The following UBAP2L variants were observed in gnomAD, a reference collection of about 807,000 sequenced individuals.
The protein encoded by UBAP2L is ubiquitin associated protein 2 like, also known as ubiquitin-associated protein 2-like.
In UBAP2L, 12 loss-of-function variants were observed where a neutral mutation model predicts 130.6. The observed-to-expected ratio is 0.09, with a 90% CI of 0.06 to 0.15. The LOEUF (loss-of-function observed/expected upper bound fraction) is 0.15, where lower values mean the gene tolerates loss of function less well. Ranked by LOEUF, UBAP2L falls within the 10% of genes least tolerant of loss-of-function variation. The probability of loss-of-function intolerance (pLI) is 1.00; values close to 1 mark genes in which losing one functional copy is unlikely to be tolerated. For missense variants in UBAP2L, 965 were observed against 1,332.5 expected, an observed-to-expected ratio of 0.72 and a Z score of 4.29; for synonymous variants, 503 against 524.7, an observed-to-expected ratio of 0.96 and a Z score of 0.57.
intron 9 of UBAP2L, 40 bp downstream of exon 9, chr1:154,241,605 C>G (rs759484602): frequency 6.2e-7 from 1 of 1,610,772 alleles, no homozygotes; most frequent in East Asian, 2.2e-5. Context: ...TGCCTTCTAT[C>G]CCTAAGTGTT....
intron 14 of UBAP2L, among the ~76,000 whole-genome samples, chr1:154,251,990 T>A (rs549299094): frequency 2.0e-5 from 3 of 152,194 alleles, no homozygotes; most frequent in South Asian, 2.1e-4. Context: ...AATTTTTTTT[T>A]AAACACAGAG....
chr1:154,264,319 C>G (rs923879028), intron 24 of UBAP2L, among the ~76,000 whole-genome samples: 3 of 152,138 alleles, frequency 2.0e-5, no homozygotes, highest in Non-Finnish European at 2.9e-5. Context: ...GAGATAGATT[C>G]ATGTGTCTCT....
rs746076583 is a variant in UBAP2L, at chr1:154,228,736, T to C, written c.279+11T>C. 21 of 1,599,874 alleles carry C rather than the reference T, an allele frequency of 1.3e-5. No individual in the cohort carries two copies. In the Middle Eastern group the frequency reaches 6.6e-4, roughly 50 times the overall value. ...GGAAACCCAGACACGGTAGAGTGCT[T>C]ATAGAGTGTTCTAGGACATGGGTCC... On this transcript the variant is annotated intron_variant, in intron 4 of 26. Transcript: ENST00000428931.
Position 154,234,745 on chromosome 1 carries a change from G to C in UBAP2L, c.434G>C (p.Ser145Thr), listed in dbSNP as rs1345997068. The C allele has an allele frequency of 1.3e-6, 2 of 1,599,634 alleles. No individual in the cohort carries two copies. The highest frequency in any genetic ancestry group is 1.7e-6 in the Non-Finnish European group (2 of 1,172,342). The change falls in exon 5 of 27, where the codon AGC becomes ACC. Residue 145 changes from serine (S) to threonine (T), a missense_variant. Ser to Thr is a moderately conservative substitution (Grantham distance 58). This residue lies in a region of UBAP2L where 109 missense variants were observed against 146.6 expected (regional missense o/e 0.74). Transcript: ENST00000428931. ...GGPPRRGRGA[S>T]RGREFRGQEN... is the part of the protein sequence containing the mutation. ...CCACCAAGACGGGGGAGAGGTGCCA[G>C]CCGTGGACGAGAGTGTATGCATGGG...
In UBAP2L at chr1:154,258,405, T is replaced by A. The variant is rs190076365; in HGVS notation, c.2443-572T>A. Among the ~76,000 whole-genome samples the A allele has an allele frequency of 2.0e-5, 3 of 152,358 alleles. No individual in the cohort carries two copies. In the East Asian group the frequency reaches 5.8e-4, roughly 29 times the overall value. ...ATAAGTGGCTGACATTAGTAGCTTTTTGCCCTAGTGTATCTTCTGTGACCT... is the reference window on the plus strand; with the variant it reads ...ATAAGTGGCTGACATTAGTAGCTTTATGCCCTAGTGTATCTTCTGTGACCT... On this transcript the variant is annotated intron_variant, in intron 20 of 26. Coordinates refer to ENST00000428931, the MANE Select transcript of UBAP2L (RefSeq NM_014847.4).
At chr1:154,231,534 C>T (rs1382491314) in intron 4 of UBAP2L, among the ~76,000 whole-genome samples, 2 of 152,106 alleles carry the variant, frequency 1.3e-5, no homozygotes, top group East Asian at 3.9e-4. Flanking sequence ...CTCCTGGCCT[C>T]AAGTGATCCA....
In UBAP2L at chr1:154,251,646, A is replaced by G. The variant is rs1481398902; in HGVS notation, c.1657A>G (p.Thr553Ala). ...GGCTCCAAGTAGCCTGTATACCAGC[A>G]CGGCCAGGTAGAGGAAACATTAACC... ...SQAPSSLYTS[T>A]ASESSSTISS... is the part of the protein sequence containing the mutation. The change falls in exon 14 of 27, where the codon ACG becomes GCG. Residue 553 changes from threonine (T) to alanine (A), a missense_variant. Thr to Ala is a moderately conservative substitution (Grantham distance 58). This residue lies in a region of UBAP2L where 393 missense variants were observed against 408.1 expected (regional missense o/e 0.96). Coordinates refer to ENST00000428931, the MANE Select transcript of UBAP2L (RefSeq NM_014847.4). The G allele has an allele frequency of 7.4e-6, 12 of 1,613,974 alleles. No homozygotes were observed. Among genetic ancestry groups the G allele is most frequent in the Admixed American group, 1.7e-5 (1 of 59,960 alleles).
At chr1:154,268,679 G>A (rs1402336420) in intron 25 of UBAP2L, 78 bp from the exon 26 acceptor site, 1 of 1,439,224 alleles carries the variant, frequency 6.9e-7, no homozygotes, top group Non-Finnish European at 9.7e-7. Flanking sequence ...TGAGGGTCAG[G>A]GAGCTTGAGC....
Position 154,237,095 on chromosome 1 carries a change from C to T in UBAP2L, c.662C>T (p.Thr221Met), listed in dbSNP as rs147740832. 12 of 1,614,000 alleles carry T rather than the reference C, an allele frequency of 7.4e-6. No individual in the cohort carries two copies. Among genetic ancestry groups the T allele is most frequent in the African/African-American group, 4.0e-5 (3 of 74,908 alleles). Reference protein sequence around the residue: ...DDNYGNSSGNTWNNTGHFEPD... With the variant: ...DDNYGNSSGNMWNNTGHFEPD... ...AACTATGGCAATAGCAGCGGCAATA[C>T]GTGGAACAACACTGGCCACTTTGAA... The change falls in exon 8 of 27, where the codon ACG (threonine) becomes ATG (methionine). Residue 221 changes from threonine (T) to methionine (M), a missense_variant. Around this residue, in one of 9 missense-constraint regions of UBAP2L, gnomAD observed 109 missense variants for 146.6 expected, o/e 0.74. Coordinates refer to ENST00000428931, the MANE Select transcript of UBAP2L (RefSeq NM_014847.4).
At chr1:154,243,913 G>A (rs1674436432) in intron 10 of UBAP2L, among the ~76,000 whole-genome samples, 1 of 152,188 alleles carries the variant, frequency 6.6e-6, no homozygotes, top group African/African-American at 2.4e-5. Flanking sequence ...TTGTTTTGAA[G>A]TAAGTCAGGG....
At chr1:154,259,119 C>A in intron 21 of UBAP2L, 89 bp downstream of exon 21, 1 of 1,161,392 alleles carries the variant, frequency 8.6e-7, no homozygotes, top group Non-Finnish European at 1.3e-6. Context: ...TAGCTCTTTC[C>A]CATCCCAGCC....
Position 154,236,455 on chromosome 1 carries a change from C to G in UBAP2L, c.545-111C>G, listed in dbSNP as rs943492981. The G allele has an allele frequency of 7.1e-5, 83 of 1,167,312 alleles. No individual in the cohort carries two copies. In the African/African-American group the frequency reaches 1.2e-3, roughly 16 times the overall value. 72.3% of individuals were successfully genotyped at this position (1,167,312 alleles called of 1,614,324 possible). ...TGCAACCAATCCGCCCGCCCTCAGC[C>G]TTTCAAAGTGCTGGGATTACCACCG... On this transcript the variant is annotated intron_variant, in intron 6 of 26. Coordinates refer to ENST00000428931, the MANE Select transcript of UBAP2L (RefSeq NM_014847.4).
upstream of UBAP2L, chr1:154,220,758 A>G (rs978301440): frequency 1.7e-5 from 5 of 289,054 alleles, no homozygotes; most frequent in Admixed American, 1.9e-4. Flanking sequence ...GGACTCGCGG[A>G]GCCGGAAAGA....
At position 154,237,113 on chromosome 1, in the gene UBAP2L, A is replaced by G. The variant is rs748810633; in HGVS notation, c.680A>G (p.His227Arg). 3 of 1,614,006 alleles carry G rather than the reference A, an allele frequency of 1.9e-6. No homozygotes were observed. Among genetic ancestry groups the G allele is most frequent in the South Asian group, 1.1e-5 (1 of 91,082 alleles). Residue 227 changes from histidine to arginine, a missense_variant, in exon 8 of 27, where the codon CAC becomes CGC. Coordinates refer to ENST00000428931, the MANE Select transcript of UBAP2L (RefSeq NM_014847.4). ...GGCAATACGTGGAACAACACTGGCC[A>G]CTTTGAACCAGATGATGGGACGAGT... ...SSGNTWNNTG[H>R]FEPDDGTSAW...
intron 3 of UBAP2L, among the ~76,000 whole-genome samples, chr1:154,227,606 G>T (rs937983975): frequency 1.3e-5 from 2 of 151,788 alleles, no homozygotes; most frequent in Non-Finnish European, 2.9e-5. Context: ...GAGTGCAGTG[G>T]CATGATCTTG....
At chr1:154,236,419 G>A (rs751816824) in intron 6 of UBAP2L, 147 bp from the exon 7 acceptor site, 8 of 792,446 alleles carry the variant, frequency 1.0e-5, no homozygotes, top group Admixed American at 2.3e-5. Flanking sequence ...GGCTGGTCTC[G>A]AACTTCTGGA....
chr1:154,228,112 T>G (rs1279221646), intron 3 of UBAP2L, among the ~76,000 whole-genome samples: 1 of 152,152 alleles, frequency 6.6e-6, no homozygotes, highest in Non-Finnish European at 1.5e-5. Flanking sequence ...ATGTTTTCCT[T>G]TTTGGCGGGG....
chr1:154,246,451 A>C, intron 11 of UBAP2L, 76 bp downstream of exon 11: 2 of 1,496,116 alleles, frequency 1.3e-6, no homozygotes, highest in Non-Finnish European at 1.8e-6. Context: ...CCTTCCAAAG[A>C]CAGTCAGGTT....
At chr1:154,233,009 C>T (rs1670355345) in intron 4 of UBAP2L, among the ~76,000 whole-genome samples, 1 of 151,708 alleles carries the variant, frequency 6.6e-6, no homozygotes, top group African/African-American at 2.4e-5. Context: ...CCCAGCCTTA[C>T]CTTTTTTTCT....
Sources: gnomAD v4.1 joint callset for allele counts (sites outside exome capture counted in the v4.1 genomes callset) on GRCh38, gnomAD v4.1.1 for gene constraint, gnomAD v4.1.1 regional missense constraint, MANE v1.5 for transcripts, NCBI Gene and HGNC (gene_info 2026-07-23, HGNC 2026-07-21) for gene names.